NR2F1-AS1: variants seen among roughly 807,000 people sequenced by gnomAD.
The protein encoded by NR2F1-AS1 is NR2F1 antisense RNA 1.
chr5:93,491,861 C>G (rs116101159), intron 4 of NR2F1-AS1, among the ~76,000 whole-genome samples: 3 of 152,188 alleles, frequency 2.0e-5, no homozygotes, highest in African/African-American at 7.2e-5. Flanking sequence ...CCTTCAGACT[C>G]TTGACTGAAT....
At chr5:93,432,050 C>A (rs935839239) in intron 4 of NR2F1-AS1, among the ~76,000 whole-genome samples, 4 of 152,128 alleles carry the variant, frequency 2.6e-5, no homozygotes, top group Admixed American at 2.6e-4. Context: ...TATTCTGACT[C>A]CCTGCATAGA....
chr5:93,498,778 T>C (rs1751016599), intron 4 of NR2F1-AS1, among the ~76,000 whole-genome samples: 1 of 152,102 alleles, frequency 6.6e-6, no homozygotes, highest in Non-Finnish European at 1.5e-5. Flanking sequence ...TGTAACTGGA[T>C]AAAGGCTCTT....
At chr5:93,562,311 C>T (rs1406109147) in intron 2 of NR2F1-AS1, among the ~76,000 whole-genome samples, 1 of 151,998 alleles carries the variant, frequency 6.6e-6, no homozygotes, top group Non-Finnish European at 1.5e-5. Context: ...CCCCAAATTA[C>T]AATTCCTATC....
At chr5:93,499,364 C>A (rs562970555) in intron 4 of NR2F1-AS1, among the ~76,000 whole-genome samples, 2 of 152,278 alleles carry the variant, frequency 1.3e-5, no homozygotes, top group South Asian at 4.1e-4. Flanking sequence ...TCTATCAGCA[C>A]TATTTTTCCA....
At chr5:93,424,118 A>C (rs1442225521) in intron 4 of NR2F1-AS1, among the ~76,000 whole-genome samples, 1 of 152,130 alleles carries the variant, frequency 6.6e-6, no homozygotes, top group East Asian at 1.9e-4. Flanking sequence ...GATGAAAAAA[A>C]CAAAAGCTGA....
At chr5:93,429,600 T>C (rs1330082299) in intron 4 of NR2F1-AS1, among the ~76,000 whole-genome samples, 1 of 152,214 alleles carries the variant, frequency 6.6e-6, no homozygotes, top group Non-Finnish European at 1.5e-5. Flanking sequence ...TGCATCTTCT[T>C]ACACACTGCA....
At chr5:93,413,149 G>A (rs1166697265) in intron 4 of NR2F1-AS1, among the ~76,000 whole-genome samples, 1 of 147,648 alleles carries the variant, frequency 6.8e-6, no homozygotes, top group East Asian at 2.0e-4. Context: ...AAAACTTACT[G>A]ATTTTTCTAC....
intron 4 of NR2F1-AS1, among the ~76,000 whole-genome samples, chr5:93,474,600 G>T (rs1750440835): frequency 6.6e-6 from 1 of 152,108 alleles, no homozygotes; most frequent in African/African-American, 2.4e-5. Context: ...ACTCATAGAT[G>T]GGTGTCTACT....
chr5:93,410,426 C>G (rs958327954), intron 4 of NR2F1-AS1: 1 of 152,374 alleles, frequency 6.6e-6, no homozygotes, highest in African/African-American at 2.4e-5. Context: ...CCAGGCCGCA[C>G]AGCAAGAGGT....
chr5:93,539,780 G>A (rs767684227), intron 4 of NR2F1-AS1, among the ~76,000 whole-genome samples: 1 of 152,122 alleles, frequency 6.6e-6, no homozygotes, highest in African/African-American at 2.4e-5. Context: ...TCACCACAAA[G>A]AAATGATAAA....
rs914440796 is a variant in NR2F1-AS1 at position 93,417,231 on chromosome 5, C to T, written n.639-21689G>A. On this transcript the variant is annotated intron_variant and non_coding_transcript_variant, in intron 4 of 5. Transcript: ENST00000660523. ...AGTTCAGAGACAATGCAAAGGTAAA[C>T]TTTAACCCAGGCCTTGACCTCATTT... Among the ~76,000 whole-genome samples the T allele has an allele frequency of 9.9e-5, 15 of 152,200 alleles. 1 individual carries two copies. The highest frequency in any genetic ancestry group is 2.2e-4 in the Non-Finnish European group (15 of 68,028).
chr5:93,582,050 TCTTTC>T (rs1239545997), upstream of NR2F1-AS1, among the ~76,000 whole-genome samples: 1 of 139,864 alleles, frequency 7.1e-6, no homozygotes, highest in African/African-American at 2.7e-5. Flanking sequence ...CTCTCTCCTC[TCTTTC>T]CTTTCCTCTC....
intron 4 of NR2F1-AS1, among the ~76,000 whole-genome samples, chr5:93,489,953 G>C (rs1423955486): frequency 1.3e-5 from 2 of 152,202 alleles, no homozygotes; most frequent in African/African-American, 2.4e-5. Flanking sequence ...AAAGGAAAAT[G>C]AAAGAGGATG....
intron 4 of NR2F1-AS1, chr5:93,432,322 C>T (rs1330364322): frequency 1.3e-5 from 2 of 152,144 alleles, no homozygotes; most frequent in African/African-American, 4.8e-5. Context: ...TCTACTGAAA[C>T]ACCAACATCT....
At chr5:93,546,595 G>T (rs1188851591) in intron 4 of NR2F1-AS1, among the ~76,000 whole-genome samples, 1 of 151,912 alleles carries the variant, frequency 6.6e-6, no homozygotes, top group Non-Finnish European at 1.5e-5. Context: ...TTTCATTACT[G>T]GCACATACAG....
At chr5:93,463,509 G>A (rs1283601379) in intron 4 of NR2F1-AS1, among the ~76,000 whole-genome samples, 2 of 152,156 alleles carry the variant, frequency 1.3e-5, no homozygotes, top group East Asian at 3.9e-4. Flanking sequence ...GCCTAGTGGA[G>A]CTGTGAGAAG....
chr5:93,419,702 A>C (rs931859427), intron 4 of NR2F1-AS1, among the ~76,000 whole-genome samples: 1 of 152,238 alleles, frequency 6.6e-6, no homozygotes, highest in African/African-American at 2.4e-5. Flanking sequence ...AGTTTTTCTT[A>C]AACATATATG....
At chr5:93,546,805 T>C (rs1311373711) in intron 4 of NR2F1-AS1, among the ~76,000 whole-genome samples, 1 of 152,198 alleles carries the variant, frequency 6.6e-6, no homozygotes, top group Admixed American at 6.5e-5. Flanking sequence ...GTTTTATGGA[T>C]CAATTTGGCT....
intron 2 of NR2F1-AS1, among the ~76,000 whole-genome samples, chr5:93,555,799 T>C (rs1752340748): frequency 1.3e-5 from 2 of 152,208 alleles, no homozygotes; most frequent in African/African-American, 4.8e-5. Flanking sequence ...AAACTGTTTA[T>C]GTAATATAAT....
Sources: allele counts gnomAD v4.1 joint callset (sites outside exome capture counted in the v4.1 genomes callset), GRCh38; gene constraint gnomAD v4.1.1; transcripts MANE v1.5; gene names NCBI Gene and HGNC (gene_info 2026-07-23, HGNC 2026-07-21).